Variants in CAND2 observed in about 807,000 individuals in gnomAD.
CAND2 encodes the protein cullin associated and neddylation dissociated 2 (putative).
A neutral mutation model predicts 98.9 loss-of-function variants in CAND2; 62 were observed. That is an observed-to-expected ratio of 0.63 (90% CI 0.51 to 0.77). The LOEUF is 0.77. CAND2 is among the 30% of genes least tolerant of loss of function. The pLI is 0.00. For missense variants in CAND2, 1,501 were observed against 1,655.2 expected, an observed-to-expected ratio of 0.91 and a Z score of 1.62; for synonymous variants, 770 against 731.9, an observed-to-expected ratio of 1.05 and a Z score of -0.84.
At chr3:12,826,887 GTGGCGCGATCTCAGCTC>G (rs2062005921) in intron 12 of CAND2, among the ~76,000 whole-genome samples, 1 of 148,574 alleles carries the variant, frequency 6.7e-6, no homozygotes, top group Non-Finnish European at 1.5e-5. Context: ...CTGGAGTGCA[GTGGCGCGATCTCAGCTC>G]ACTGCAACCT....
At position 12,827,565 on chromosome 3, in the gene CAND2, C is replaced by T. The variant is rs1224134674; in HGVS notation, c.3336C>T (p.Asn1112=). 2 of 1,613,692 alleles carry T rather than the reference C, an allele frequency of 1.2e-6. No individual in the cohort carries two copies. The highest frequency in any genetic ancestry group is 2.7e-5 in the African/African-American group (2 of 74,894). Residue 1112 remains asparagine (N), a synonymous_variant, in exon 13 of 15, where the codon AAC becomes AAT. Transcript: ENST00000456430. ...AGCTGGATATCTGTGAGTTCCTGAA[C>T]CATGTGGAGGACGGGCTGAAGGACC... ...LGQLDICEFL[N]HVEDGLKDHY...
chr3:12,797,888 T>C (rs972136155), intron 1 of CAND2, among the ~76,000 whole-genome samples: 1 of 152,116 alleles, frequency 6.6e-6, no homozygotes, highest in Non-Finnish European at 1.5e-5. Flanking sequence ...AGACCTGCTC[T>C]GGTGGTCTGA....
Position 12,810,188 on chromosome 3 carries a change from C to CACCG in CAND2, c.625_628dup (p.Leu210ArgfsTer8). The stretch of plus-strand genomic sequence containing the variant: ...TTGGCCACCTGGCGGCCGCCTGCAG[C>CACCG]ACCGACCTCTTCGTCGAGCTCGCTG... On this transcript the variant is annotated frameshift_variant, in exon 5 of 15. Transcript: ENST00000456430. LOFTEE classifies it high-confidence loss of function. 1.3e-6 allele frequency: 2 copies of CACCG among 1,540,124 alleles called. No individual in the cohort carries two copies. Among genetic ancestry groups the CACCG allele is most frequent in the Non-Finnish European group, 1.7e-6 (2 of 1,148,506 alleles).
intron 7 of CAND2, among the ~76,000 whole-genome samples, chr3:12,813,780 A>G (rs576673132): frequency 2.6e-5 from 4 of 152,202 alleles, no homozygotes; most frequent in Non-Finnish European, 5.9e-5. Context: ...AATGGCTTTC[A>G]GGAGATAATG....
intron 1 of CAND2, 59 bp from the exon 2 acceptor site, chr3:12,803,429 G>T: frequency 1.3e-6 from 2 of 1,511,232 alleles, no homozygotes; most frequent in Non-Finnish European, 8.9e-7. Context: ...CTGAGGTACT[G>T]CCCAAATCCA....
chr3:12,811,017 G>C (rs1211339782), intron 5 of CAND2, among the ~76,000 whole-genome samples: 1 of 152,128 alleles, frequency 6.6e-6, no homozygotes, highest in Non-Finnish European at 1.5e-5. Context: ...AGACACCTTG[G>C]AGTTCTGACT....
At chr3:12,812,055 C>T (rs1480976018) in intron 5 of CAND2, among the ~76,000 whole-genome samples, 2 of 149,930 alleles carry the variant, frequency 1.3e-5, no homozygotes, top group Admixed American at 6.6e-5. Flanking sequence ...ATTACAGGGG[C>T]GCACTGCCAC....
Position 12,815,433 on chromosome 3 carries a change from G to T in CAND2, c.1299G>T (p.Gln433His). 6.2e-7 allele frequency: 1 copy of T among 1,605,146 alleles called. No individual in the cohort carries two copies. Among genetic ancestry groups the T allele is most frequent in the Middle Eastern group, 2.0e-4 (1 of 5,092 alleles). ...GCAACCTCCATATGCTACGTGGACA[G>T]GTGGGCGTGCCTTCACCTCCACCCC... ...TGSNLHMLRG[Q>H]VPLVVKALQR... The change falls in exon 8 of 15, where the codon CAG (glutamine) becomes CAT (histidine). Residue 433 changes from glutamine (Q) to histidine (H), a missense_variant and splice_region_variant. Physicochemically the swap from Gln to His is conservative, Grantham distance 24 (BLOSUM62 0). Around this residue, in one of 3 missense-constraint regions of CAND2, gnomAD observed 1,427 missense variants for 1,545.3 expected, o/e 0.92. Coordinates refer to ENST00000456430, the MANE Select transcript of CAND2 (RefSeq NM_001162499.2). The surrounding 1 kb of genome is among the most constrained non-coding windows in gnomAD (Gnocchi z 5.7).
intron 1 of CAND2, among the ~76,000 whole-genome samples, chr3:12,797,524 C>T (rs2061735481): frequency 6.6e-6 from 1 of 152,006 alleles, no homozygotes; most frequent in Admixed American, 6.6e-5. Context: ...CCTCTCACAG[C>T]ATCACAGAAC....
At chr3:12,800,568 A>C (rs2061758497) in intron 1 of CAND2, among the ~76,000 whole-genome samples, 1 of 152,172 alleles carries the variant, frequency 6.6e-6, no homozygotes, top group Non-Finnish European at 1.5e-5. Flanking sequence ...TGCAGGAGCC[A>C]GTCAGTGGGT....
At position 12,815,472 on chromosome 3, in the gene CAND2, C is replaced by T; in HGVS notation, c.1299+39C>T. 1.3e-6 allele frequency: 2 copies of T among 1,561,116 alleles called. No homozygotes were observed. Among genetic ancestry groups the T allele is most frequent in the Non-Finnish European group, 1.7e-6 (2 of 1,145,828 alleles). ...CACCTCCACCCCTACCCCCGATTTG[C>T]CTACCCAGCCACTCACTGTTAGTGT... On this transcript the variant is annotated intron_variant, in intron 8 of 14. Transcript: ENST00000456430. This position sits in a 1 kb window ranked among gnomAD's most constrained non-coding sequence, Gnocchi z 5.7.
chr3:12,801,919 G>A (rs1362921966), intron 1 of CAND2, among the ~76,000 whole-genome samples: 1 of 152,204 alleles, frequency 6.6e-6, no homozygotes, highest in Non-Finnish European at 1.5e-5. Context: ...ACTGCTCTAA[G>A]GGCAGGGACT....
intron 1 of CAND2, among the ~76,000 whole-genome samples, chr3:12,797,700 A>G (rs1398462207): frequency 6.6e-6 from 1 of 152,006 alleles, no homozygotes; most frequent in East Asian, 1.9e-4. Flanking sequence ...CTCAATGAAC[A>G]TTTTTTCACT....
chr3:12,808,372 A>C, intron 4 of CAND2, 39 bp downstream of exon 4: 1 of 1,547,880 alleles, frequency 6.5e-7, no homozygotes, highest in Non-Finnish European at 8.7e-7. Flanking sequence ...AAGAGTGGGT[A>C]AAAGGGGACA....
At chr3:12,832,077 G>A (rs1342802602) in intron 14 of CAND2, 1 of 152,924 alleles carries the variant, frequency 6.5e-6, no homozygotes, top group African/African-American at 2.4e-5. Flanking sequence ...GCACCTACGT[G>A]GTACCTAGTA....
chr3:12,817,521 G>C lies in CAND2; in HGVS notation c.2589G>C (p.Lys863Asn), dbSNP rs1451029935. 1 of 1,613,794 alleles carries C rather than the reference G, an allele frequency of 6.2e-7. No individual in the cohort carries two copies. The highest frequency in any genetic ancestry group is 8.5e-7 in the Non-Finnish European group (1 of 1,179,970). Residue 863 changes from lysine to asparagine, a missense_variant, in exon 10 of 15, where the codon AAG becomes AAC. By Grantham distance (94) the Lys-to-Asn change is moderately conservative. Transcript: ENST00000456430. ...GGCCAGGCCACCAGCGGGAGCTGAA[G>C]GCGGTGCTCCTGGAAGCTTTGGGGT... is the stretch of plus-strand genomic sequence containing the variant. Reference protein sequence around the residue: ...VAGPGHQRELKAVLLEALGSP... With the variant: ...VAGPGHQRELNAVLLEALGSP...
At chr3:12,819,606 C>T (rs1243391094) in intron 10 of CAND2, among the ~76,000 whole-genome samples, 1 of 152,162 alleles carries the variant, frequency 6.6e-6, no homozygotes, top group Non-Finnish European at 1.5e-5. Context: ...GAAGAGGGGC[C>T]CAGCCAGGAA....
At chr3:12,827,802 A>T (rs898006653) in intron 13 of CAND2, among the ~76,000 whole-genome samples, 198 bp downstream of exon 13, 1 of 152,020 alleles carries the variant, frequency 6.6e-6, no homozygotes, top group Non-Finnish European at 1.5e-5. Context: ...GGCTCTTTGG[A>T]GGATGGTTTC....
Position 12,817,744 on chromosome 3 carries a change from T to G in CAND2, c.2812T>G (p.Trp938Gly), listed in dbSNP as rs2061921546. ...CCTGAAGCCCTACGCCGAGGACATC[T>G]GGGCCTTGCTGTTCCAGCGCTGCGA... Reference protein sequence around the residue: ...DSLKPYAEDIWALLFQRCEGA... With the variant: ...DSLKPYAEDIGALLFQRCEGA... The change falls in exon 10 of 15, where the codon TGG becomes GGG. Residue 938 changes from tryptophan (W) to glycine (G), a missense_variant. By Grantham distance (184) the Trp-to-Gly change is radical. Coordinates refer to ENST00000456430, the MANE Select transcript of CAND2 (RefSeq NM_001162499.2). 3 of 1,573,610 alleles carry G rather than the reference T, an allele frequency of 1.9e-6. No homozygotes were observed. Among genetic ancestry groups the G allele is most frequent in the Non-Finnish European group, 1.7e-6 (2 of 1,160,674 alleles).
Sources: gnomAD v4.1 joint callset for allele counts (sites outside exome capture counted in the v4.1 genomes callset) on GRCh38, gnomAD v4.1.1 for gene constraint, gnomAD v4.1.1 regional missense constraint, Gnocchi (gnomAD v3.1) non-coding constraint, MANE v1.5 for transcripts, NCBI Gene and HGNC (gene_info 2026-07-23, HGNC 2026-07-21) for gene names.